TXNDC16: variants seen among roughly 807,000 people sequenced by gnomAD.
TXNDC16 encodes the protein thioredoxin domain-containing protein 16.
TXNDC16 carries 74 observed loss-of-function variants against 85.6 expected under a neutral mutation model. The observed-to-expected ratio is 0.86, with a 90% CI of 0.72 to 1.05. The LOEUF (loss-of-function observed/expected upper bound fraction) is 1.05, where lower values mean the gene tolerates loss of function less well. Among genes scored for constraint, TXNDC16 ranks in the 50% least tolerant of loss-of-function variants. The pLI is 0.00. For missense variants in TXNDC16, 959 were observed against 947.0 expected (o/e 1.01, Z -0.17); for synonymous variants, 335 against 326.5 (o/e 1.03, Z -0.28).
chr14:52,487,451 T>A (rs1418664365), intron 12 of TXNDC16, among the ~76,000 whole-genome samples: 1 of 152,196 alleles, frequency 6.6e-6, no homozygotes, highest in Non-Finnish European at 1.5e-5. Context: ...ATATATGTTA[T>A]ACAAAAATGA....
At chr14:52,513,704 A>G (rs1350199814) in intron 8 of TXNDC16, among the ~76,000 whole-genome samples, 2 of 151,644 alleles carry the variant, frequency 1.3e-5, no homozygotes, top group South Asian at 4.1e-4. Flanking sequence ...CATATATATT[A>G]TATATATAAC....
intron 1 of TXNDC16, among the ~76,000 whole-genome samples, chr14:52,547,430 A>G (rs555498156): frequency 1.3e-5 from 2 of 152,372 alleles, no homozygotes; most frequent in East Asian, 3.9e-4. Context: ...CAGTAATTTT[A>G]TATTTGTTGA....
intron 16 of TXNDC16, among the ~76,000 whole-genome samples, chr14:52,462,035 TTTTTA>T (rs773795490): frequency 2.0e-5 from 3 of 152,236 alleles, no homozygotes; most frequent in Admixed American, 1.3e-4. Flanking sequence ...CTTGAAGCCA[TTTTTA>T]TTTTACTTTG....
chr14:52,536,362 G>A (rs1314574528), intron 6 of TXNDC16, among the ~76,000 whole-genome samples: 1 of 152,136 alleles, frequency 6.6e-6, no homozygotes, highest in Non-Finnish European at 1.5e-5. Context: ...TTGTTTATAA[G>A]CTACCCAGTT....
At chr14:52,516,278 T>C (rs1239062810) in intron 7 of TXNDC16, among the ~76,000 whole-genome samples, 1 of 152,198 alleles carries the variant, frequency 6.6e-6, no homozygotes, top group Non-Finnish European at 1.5e-5. Context: ...AGAGGACATA[T>C]GAATAGACAA....
chr14:52,477,534 A>C (rs2036046037), intron 14 of TXNDC16, among the ~76,000 whole-genome samples: 2 of 152,198 alleles, frequency 1.3e-5, no homozygotes, highest in African/African-American at 4.8e-5. Flanking sequence ...TTCTTGTATC[A>C]GACAAAACAA....
intron 18 of TXNDC16, among the ~76,000 whole-genome samples, chr14:52,454,826 A>G (rs1293555347): frequency 6.6e-6 from 1 of 152,054 alleles, no homozygotes. Context: ...CATATAAGTA[A>G]TAAGAATAGT....
At chr14:52,458,620 A>G (rs2035588785) in intron 16 of TXNDC16, among the ~76,000 whole-genome samples, 1 of 152,216 alleles carries the variant, frequency 6.6e-6, no homozygotes, top group Admixed American at 6.5e-5. Context: ...TGCTACATCA[A>G]AGTAGAAAAG....
chr14:52,474,535 C>A (rs2035977710), intron 14 of TXNDC16, among the ~76,000 whole-genome samples: 1 of 152,024 alleles, frequency 6.6e-6, no homozygotes, highest in African/African-American at 2.4e-5. Context: ...CTGAGGTCAG[C>A]AGTTTGAGAC....
At chr14:52,507,250 A>G (rs577614031) in intron 9 of TXNDC16, among the ~76,000 whole-genome samples, 2 of 152,306 alleles carry the variant, frequency 1.3e-5, no homozygotes, top group South Asian at 2.1e-4. Flanking sequence ...AAAAATCACA[A>G]GTATTCTTAT....
intron 5 of TXNDC16, 37 bp from the exon 6 acceptor site, chr14:52,536,830 TACAAAAA>T (rs1453856998): frequency 6.7e-7 from 1 of 1,487,124 alleles, no homozygotes; most frequent in Non-Finnish European, 9.2e-7. Flanking sequence ...TATTGAAAAA[TACAAAAA>T]ATATTTCCTT....
intron 12 of TXNDC16, among the ~76,000 whole-genome samples, chr14:52,486,825 T>C (rs916802086): frequency 5.3e-5 from 8 of 152,176 alleles, no homozygotes; most frequent in Non-Finnish European, 2.9e-5. Flanking sequence ...GGTTATTGAA[T>C]GTTTCCAACA....
At chr14:52,544,127 T>C (rs1298908532) in intron 2 of TXNDC16, 137 bp downstream of exon 2, 1 of 152,518 alleles carries the variant, frequency 6.6e-6, no homozygotes, top group African/African-American at 2.4e-5. Flanking sequence ...TAATTTGTAA[T>C]GCCTAACCCT....
At chr14:52,469,351 AAAAAAAC>A (rs928745885) in intron 16 of TXNDC16, among the ~76,000 whole-genome samples, 7 of 152,230 alleles carry the variant, frequency 4.6e-5, no homozygotes, top group African/African-American at 1.7e-4. Flanking sequence ...CGTCTCAAAA[AAAAAAAC>A]AAAAAACAAA....
At chr14:52,539,355 G>A (rs370547024) in intron 4 of TXNDC16, among the ~76,000 whole-genome samples, 1 of 152,126 alleles carries the variant, frequency 6.6e-6, no homozygotes, top group Non-Finnish European at 1.5e-5. Flanking sequence ...ATCTGCAAAG[G>A]CCCTGTGGTT....
chr14:52,471,516 A>G (rs2035906830), intron 14 of TXNDC16, among the ~76,000 whole-genome samples: 1 of 152,170 alleles, frequency 6.6e-6, no homozygotes, highest in Admixed American at 6.5e-5. Context: ...AGTGATCTAC[A>G]TCAGGTTCCC....
intron 7 of TXNDC16, among the ~76,000 whole-genome samples, chr14:52,516,424 T>C (rs1007563172): frequency 3.3e-5 from 5 of 152,214 alleles, no homozygotes; most frequent in African/African-American, 1.2e-4. Flanking sequence ...TCCATTTCCT[T>C]CCATTTCTAG....
Position 52,477,135 on chromosome 14 carries a change from C to T in TXNDC16, c.1312+5095G>A, listed in dbSNP as rs533903224. ...CAGACAAACAAATGCTGAGAGAATTCGCCACTACCAAGCCAGCGCTACAAG... is the reference window on the plus strand; with the variant it reads ...CAGACAAACAAATGCTGAGAGAATTTGCCACTACCAAGCCAGCGCTACAAG... On this transcript the variant is annotated intron_variant, in intron 14 of 20. Coordinates refer to ENST00000281741, the MANE Select transcript of TXNDC16 (RefSeq NM_020784.3). Among the ~76,000 whole-genome samples, 24 of 152,222 alleles carry T rather than the reference C, an allele frequency of 1.6e-4. No homozygotes were observed. The South Asian group carries it at 4.8e-3, about 30-fold the overall frequency.
chr14:52,501,522 A>G (rs1021155381), intron 9 of TXNDC16, among the ~76,000 whole-genome samples: 2 of 152,144 alleles, frequency 1.3e-5, no homozygotes, highest in African/African-American at 4.8e-5. Flanking sequence ...CCATGATTAA[A>G]CCCCAAGGGC....
Sources: allele counts gnomAD v4.1 joint callset (sites outside exome capture counted in the v4.1 genomes callset), GRCh38; gene constraint gnomAD v4.1.1; transcripts MANE v1.5; gene names NCBI Gene and HGNC (gene_info 2026-07-23, HGNC 2026-07-21).